Variants in IL1RN observed in about 807,000 individuals in gnomAD.
The protein encoded by IL1RN is interleukin 1 receptor antagonist, also known as interleukin-1 receptor antagonist protein.
IL1RN carries 10 observed loss-of-function variants against 13.7 expected under a neutral mutation model. The observed-to-expected ratio is 0.73, with a 90% confidence interval of 0.45 to 1.24. IL1RN has a LOEUF of 1.24. Ranked by LOEUF, IL1RN falls within the 50% of genes most tolerant of loss-of-function variation. IL1RN has a pLI of 0.00. For missense variants in IL1RN, 213 were observed against 222.1 expected, an observed-to-expected ratio of 0.96 and a Z score of 0.26; for synonymous variants, 102 against 82.7, an observed-to-expected ratio of 1.23 and a Z score of -1.27.
intron 1 of IL1RN, among the ~76,000 whole-genome samples, chr2:113,128,896 C>T (rs1687058852): frequency 1.3e-5 from 2 of 152,192 alleles, no homozygotes; most frequent in Non-Finnish European, 2.9e-5. Flanking sequence ...GACCCAGAAT[C>T]AGGTCACTGG....
chr2:113,121,835 T>G (rs1251251749), intron 2 of IL1RN, among the ~76,000 whole-genome samples: 1 of 152,170 alleles, frequency 6.6e-6, no homozygotes, highest in Non-Finnish European at 1.5e-5. Context: ...AATAAGTTGA[T>G]GGATTTGGTT....
At chr2:113,100,318 T>A in the IL1RN span, among the ~76,000 whole-genome samples, 1 of 137,504 alleles carries the variant, frequency 7.3e-6, no homozygotes. Context: ...AGAGCGAGAC[T>A]CCGTCTCAAA....
At chr2:113,121,505 A>C (rs1686782538) in intron 2 of IL1RN, 1 of 985,386 alleles carries the variant, frequency 1.0e-6, no homozygotes, top group Admixed American at 6.1e-5. Flanking sequence ...TGTACCGCTG[A>C]AAACACAAGA....
At chr2:113,099,472 G>A in the IL1RN span, among the ~76,000 whole-genome samples, 9 of 152,210 alleles carry the variant, frequency 5.9e-5, no homozygotes, top group Admixed American at 5.9e-4. Flanking sequence ...ACTTGCTCCA[G>A]GCTACAAGCC....
upstream of IL1RN, among the ~76,000 whole-genome samples, chr2:113,110,798 C>T (rs2104423663): frequency 6.6e-6 from 1 of 152,328 alleles, no homozygotes; most frequent in South Asian, 2.1e-4. Flanking sequence ...CAAATGTTAA[C>T]TCCTTTCTAT....
upstream of IL1RN, among the ~76,000 whole-genome samples, chr2:113,109,411 T>TAA (rs35727625): frequency 0.019 from 2,479 of 133,080 alleles, 83 homozygotes; most frequent in African/African-American, 0.062. Context: ...AAACGCCATC[T>TAA]AAAAAAAAAA....
chr2:113,119,934 G>A lies in IL1RN; in HGVS notation c.11-132G>A, dbSNP rs913169337. 5 of 749,510 alleles carry A rather than the reference G, an allele frequency of 6.7e-6. No individual in the cohort carries two copies. In the African/African-American group the frequency reaches 8.7e-5, roughly 13 times the overall value. 46.4% of individuals were successfully genotyped at this position (749,510 alleles called of 1,614,324 possible). A position where few individuals can be genotyped will look rare whatever the true frequency, so the allele number is the denominator to read the frequency against. ...TGCATACTCGGACTGGAAACTGGAA[G>A]GGTGAGAACAGAGGGTAAAGGATAG... On this transcript the variant is annotated intron_variant, in intron 1 of 5. Transcript: ENST00000259206.
At chr2:113,128,673 T>C (rs957447546) in intron 1 of IL1RN, among the ~76,000 whole-genome samples, 3 of 152,182 alleles carry the variant, frequency 2.0e-5, no homozygotes, top group African/African-American at 4.8e-5. Flanking sequence ...TGCTGCCATA[T>C]GCAAAGCACT....
chr2:113,106,002 T>C (rs1200486985), upstream of IL1RN, among the ~76,000 whole-genome samples: 1 of 152,246 alleles, frequency 6.6e-6, no homozygotes, highest in Non-Finnish European at 1.5e-5. Context: ...ATCTCACCAA[T>C]GTTGGAAAAT....
In IL1RN at chr2:113,133,211, T is replaced by G; in HGVS notation, c.*340T>G. ...CTGCCTCTTCCTCCCTCATTCCACC[T>G]TCCCATGCCCTGGATCCATCAGGCC... On this transcript the variant is annotated 3_prime_UTR_variant, in exon 4 of 4. Transcript: ENST00000409930. The G allele has an allele frequency of 2.5e-6, 1 of 403,518 alleles. No homozygotes were observed. The highest frequency in any genetic ancestry group is 4.7e-6 in the Non-Finnish European group (1 of 212,156). 25.0% of individuals were successfully genotyped at this position (403,518 alleles called of 1,614,324 possible). A position where few individuals can be genotyped will look rare whatever the true frequency, so the allele number is the denominator to read the frequency against.
In IL1RN at chr2:113,133,190, C is replaced by T. The variant is rs1687236418; in HGVS notation, c.*319C>T. 5.5e-5 allele frequency: 24 copies of T among 432,892 alleles called. 1 individual carries two copies. Among genetic ancestry groups the T allele is most frequent in the South Asian group, 4.8e-4 (23 of 47,772 alleles). 26.8% of individuals were successfully genotyped at this position (432,892 alleles called of 1,614,324 possible). On this transcript the variant is annotated 3_prime_UTR_variant, in exon 4 of 4. Coordinates refer to ENST00000409930, the MANE Select transcript of IL1RN (RefSeq NM_173842.3). ...CAACCTGCTCTCCTCTTGCCACTGC[C>T]TCTTCCTCCCTCATTCCACCTTCCC...
upstream of IL1RN, among the ~76,000 whole-genome samples, chr2:113,103,200 C>G (rs1481979962): frequency 1.3e-5 from 2 of 152,180 alleles, no homozygotes; most frequent in Non-Finnish European, 2.9e-5. Context: ...GGAGGAGTCA[C>G]AGGTGGTCCT....
upstream of IL1RN, among the ~76,000 whole-genome samples, chr2:113,110,443 G>A (rs1415709327): frequency 6.6e-6 from 1 of 152,106 alleles, no homozygotes; most frequent in Non-Finnish European, 1.5e-5. Flanking sequence ...AATTAAAGAG[G>A]TACGTTTTGC....
rs4251988 is a variant in IL1RN, at chr2:113,120,340, CTATGTATG to C, written c.73+233_73+240del. 6.3e-4 allele frequency among the ~76,000 whole-genome samples: 95 copies of C among 151,722 alleles called. No individual in the cohort carries two copies. In the East Asian group the frequency reaches 0.016, roughly 25 times the overall value. ...TTTTGAATACTCCTGTGTGATTGCT[CTATGTATG>C]TATGTATGTATGTATGTATGCATGT... is the stretch of plus-strand genomic sequence containing the variant. On this transcript the variant is annotated intron_variant, in intron 2 of 5. Coordinates refer to the IL1RN transcript ENST00000259206.
the IL1RN span, among the ~76,000 whole-genome samples, chr2:113,100,094 G>A: frequency 1.7e-4 from 25 of 146,128 alleles, no homozygotes; most frequent in South Asian, 3.1e-3. Flanking sequence ...AGGCCGAGGC[G>A]GGCAGATCAC....
At chr2:113,127,594 T>A, upstream of IL1RN, 2 of 1,612,454 alleles carry the variant, frequency 1.2e-6, no homozygotes, top group Non-Finnish European at 1.7e-6. Context: ...GGGCCCGCAA[T>A]GGCAGTCCAC....
At chr2:113,130,450 G>C (rs892739475) in intron 2 of IL1RN, among the ~76,000 whole-genome samples, 4 of 152,200 alleles carry the variant, frequency 2.6e-5, no homozygotes, top group African/African-American at 7.2e-5. Context: ...AGACTCCTAG[G>C]CTCCTGTGGA....
intron 2 of IL1RN, 65 bp downstream of exon 2, chr2:113,129,729 CA>C: frequency 9.9e-7 from 1 of 1,012,238 alleles, no homozygotes; most frequent in East Asian, 2.4e-5. Flanking sequence ...CTGTCTGCAG[CA>C]GCATGGCCTG....
chr2:113,129,424 T>C, intron 1 of IL1RN, 152 bp from the exon 2 acceptor site: 1 of 688,024 alleles, frequency 1.5e-6, no homozygotes, highest in Non-Finnish European at 2.7e-6. Context: ...CTCAGTCTTC[T>C]CATCCATGCA....
Sources: gnomAD v4.1 joint callset for allele counts (sites outside exome capture counted in the v4.1 genomes callset) on GRCh38, gnomAD v4.1.1 for gene constraint, MANE v1.5 for transcripts, NCBI Gene and HGNC (gene_info 2026-07-23, HGNC 2026-07-21) for gene names.